TMEM117: variants seen among roughly 807,000 people sequenced by gnomAD.
TMEM117 encodes transmembrane protein 117.
TMEM117 carries 27 observed loss-of-function variants against 52.4 expected under a neutral mutation model. The observed-to-expected ratio is 0.51, with a 90% CI of 0.38 to 0.71. The LOEUF is 0.71. Among genes scored for constraint, TMEM117 ranks in the 30% least tolerant of loss-of-function variants. The pLI is 0.00. For missense variants in TMEM117, 556 were observed against 630.5 expected (o/e 0.88, Z 1.26); for synonymous variants, 215 against 206.3 (o/e 1.04, Z -0.36).
At chr12:44,303,505 T>A (rs1228297333) in intron 6 of TMEM117, among the ~76,000 whole-genome samples, 2 of 152,222 alleles carry the variant, frequency 1.3e-5, no homozygotes, top group Non-Finnish European at 2.9e-5. Flanking sequence ...ATAGGATTTT[T>A]CTACCTTTAT....
rs564734176 is a variant in TMEM117, at chr12:44,344,010, G to A, written c.769-32585G>A. Among the ~76,000 whole-genome samples, 17 of 152,180 alleles carry A rather than the reference G, an allele frequency of 1.1e-4. No individual in the cohort carries two copies. In the South Asian group the frequency reaches 3.1e-3, roughly 28 times the overall value. ...CAGACAGGTGGGGGCAGCTCATAGC[G>A]GTTGGTTGCCTGGCTTGTTCAGTGC... On this transcript the variant is annotated intron_variant, in intron 6 of 7. Transcript: ENST00000266534.
At chr12:43,813,015 A>T in the TMEM117 span, among the ~76,000 whole-genome samples, 1 of 151,520 alleles carries the variant, frequency 6.6e-6, no homozygotes, top group African/African-American at 2.4e-5. Flanking sequence ...TCCAAAAAAA[A>T]AAAGCAGCAG....
intron 5 of TMEM117, chr12:44,248,287 A>G (rs1950155595): frequency 6.6e-6 from 1 of 152,256 alleles, no homozygotes; most frequent in Admixed American, 6.5e-5. Flanking sequence ...CCAAACATGA[A>G]TGATGCTTCC....
At chr12:43,940,052 A>G (rs914627069) in intron 2 of TMEM117, among the ~76,000 whole-genome samples, 3 of 152,324 alleles carry the variant, frequency 2.0e-5, no homozygotes, top group African/African-American at 2.4e-5. Flanking sequence ...GGACCCTCCT[A>G]CAACACTTGG....
chr12:44,164,985 C>T (rs970064412), intron 4 of TMEM117, among the ~76,000 whole-genome samples: 2 of 152,064 alleles, frequency 1.3e-5, no homozygotes, highest in Admixed American at 1.3e-4. Context: ...ACTATAGTTA[C>T]CTTACTGTTC....
At chr12:43,886,418 A>G (rs1200290528) in intron 2 of TMEM117, among the ~76,000 whole-genome samples, 1 of 152,182 alleles carries the variant, frequency 6.6e-6, no homozygotes, top group African/African-American at 2.4e-5. Flanking sequence ...TTGTATGTAG[A>G]TCACTTAAGA....
the TMEM117 span, among the ~76,000 whole-genome samples, chr12:43,819,788 AAG>A: frequency 2.6e-3 from 399 of 151,856 alleles, 3 homozygotes; most frequent in African/African-American, 8.8e-3. Context: ...AAAAGAGAGA[AAG>A]AGAGAGAGAG....
At chr12:44,381,774 A>C (rs1952024207) in intron 7 of TMEM117, among the ~76,000 whole-genome samples, 1 of 152,162 alleles carries the variant, frequency 6.6e-6, no homozygotes, top group Non-Finnish European at 1.5e-5. Flanking sequence ...TTTTATTTTC[A>C]TAGGTGCATG....
chr12:44,285,922 G>C (rs1022804606), intron 5 of TMEM117, among the ~76,000 whole-genome samples: 79 of 152,104 alleles, frequency 5.2e-4, no homozygotes, highest in South Asian at 2.1e-4. Context: ...TGAACAACAT[G>C]GTTAGAAATT....
chr12:44,352,692 T>A (rs1450344873), intron 6 of TMEM117, among the ~76,000 whole-genome samples: 2 of 152,166 alleles, frequency 1.3e-5, no homozygotes, highest in Non-Finnish European at 2.9e-5. Context: ...ATTCAGTCTA[T>A]CATTGTTGGA....
chr12:44,042,081 A>G (rs1289679632), intron 3 of TMEM117, among the ~76,000 whole-genome samples: 1 of 152,230 alleles, frequency 6.6e-6, no homozygotes, highest in Non-Finnish European at 1.5e-5. Context: ...ATATGATTCT[A>G]TACCTAGAAA....
At position 44,189,221 on chromosome 12, in the gene TMEM117, A is replaced by G. The variant is rs574492529; in HGVS notation, c.511-22069A>G. Among the ~76,000 whole-genome samples the G allele has an allele frequency of 7.7e-4, 117 of 152,268 alleles. 1 individual carries two copies. In the South Asian group the frequency reaches 7.9e-3, roughly 10 times the overall value. On this transcript the variant is annotated intron_variant, in intron 4 of 7. Transcript: ENST00000266534. ...TTAAATATATGAATGAATAACTCCAATATCCACATCATTGCCATCATTCAG... is the reference window on the plus strand; with the variant it reads ...TTAAATATATGAATGAATAACTCCAGTATCCACATCATTGCCATCATTCAG...
chr12:44,212,882 T>C (rs1343707239), intron 5 of TMEM117, among the ~76,000 whole-genome samples: 2 of 152,160 alleles, frequency 1.3e-5, no homozygotes. Flanking sequence ...TCTTTTGTGC[T>C]TTAGTACTAT....
At chr12:44,336,747 A>G (rs557946324) in intron 6 of TMEM117, among the ~76,000 whole-genome samples, 12 of 152,036 alleles carry the variant, frequency 7.9e-5, no homozygotes, top group African/African-American at 2.9e-4. Flanking sequence ...AAAACATGGT[A>G]TCAGTCATAG....
At chr12:44,185,875 C>T (rs1238110546) in intron 4 of TMEM117, among the ~76,000 whole-genome samples, 3 of 105,226 alleles carry the variant, frequency 2.9e-5, no homozygotes, top group African/African-American at 1.6e-4. Flanking sequence ...GACATACACA[C>T]ACACACACAC....
intron 3 of TMEM117, among the ~76,000 whole-genome samples, chr12:44,047,429 A>G (rs551132324): frequency 6.6e-6 from 1 of 152,292 alleles, no homozygotes; most frequent in Non-Finnish European, 1.5e-5. Flanking sequence ...ATTACTAGAT[A>G]TTAATATTTT....
chr12:43,980,479 T>C (rs907495971), intron 3 of TMEM117, among the ~76,000 whole-genome samples: 3 of 152,210 alleles, frequency 2.0e-5, no homozygotes, highest in African/African-American at 7.2e-5. Flanking sequence ...GAGGCTGTGG[T>C]AGCTTTAAGC....
At chr12:43,867,961 C>T (rs1220536117) in intron 2 of TMEM117, among the ~76,000 whole-genome samples, 2 of 151,966 alleles carry the variant, frequency 1.3e-5, no homozygotes, top group Non-Finnish European at 2.9e-5. Context: ...AAAGAATACA[C>T]ATTTTTTCAA....
intron 6 of TMEM117, among the ~76,000 whole-genome samples, chr12:44,313,624 AT>A: frequency 6.6e-6 from 1 of 152,126 alleles, no homozygotes; most frequent in South Asian, 2.1e-4. Context: ...TTTTAGAATA[AT>A]TTTTTATAAT....
Sources: allele counts gnomAD v4.1 joint callset (sites outside exome capture counted in the v4.1 genomes callset), GRCh38; gene constraint gnomAD v4.1.1; transcripts MANE v1.5; gene names NCBI Gene and HGNC (gene_info 2026-07-23, HGNC 2026-07-21).